The following GAB4 variants were observed in gnomAD, a reference collection of about 807,000 sequenced individuals.
GAB4 encodes the protein GRB2-associated-binding protein 4.
In GAB4, 26 loss-of-function variants were observed where a neutral mutation model predicts 51.3. That is an observed-to-expected ratio of 0.51 (90% CI 0.37 to 0.70). The LOEUF (loss-of-function observed/expected upper bound fraction) is 0.70. Among genes scored for constraint, GAB4 ranks in the 30% least tolerant of loss-of-function variants. The probability of loss-of-function intolerance (pLI) is 0.00; values close to 1 mark genes in which losing one functional copy is unlikely to be tolerated. For synonymous variants in GAB4, 329 were observed against 291.2 expected (o/e 1.13, Z -1.32); for missense variants, 759 against 734.6 (o/e 1.03, Z -0.38).
chr22:17,000,255 A>G (rs577167349), intron 1 of GAB4, among the ~76,000 whole-genome samples: 3 of 152,288 alleles, frequency 2.0e-5, no homozygotes, highest in South Asian at 4.1e-4. Flanking sequence ...AAAGTCTCCA[A>G]TTATTATTGT....
intron 1 of GAB4, among the ~76,000 whole-genome samples, chr22:17,001,440 G>A (rs1290211998): frequency 6.6e-6 from 1 of 152,114 alleles, no homozygotes; most frequent in Non-Finnish European, 1.5e-5. Context: ...GGCTACTGAA[G>A]CTTGTGCATG....
chr22:17,008,049 C>T lies in GAB4; in HGVS notation c.66G>A (p.Leu22=). The T allele has an allele frequency of 6.2e-7, 1 of 1,608,826 alleles. No individual in the cohort carries two copies. Among genetic ancestry groups the T allele is most frequent in the African/African-American group, 1.3e-5 (1 of 74,940 alleles). ...LCPPDPAFAP[L]SSWPGSGPAG... is the part of the protein sequence containing the mutation. ...CGGGGCCACTTCCGGGCCACGAAGA[C>T]AAAGGCGCAAATGCCGGGTCAGGTG... Residue 22 remains leucine (L), a synonymous_variant, in exon 1 of 10, where the codon TTG becomes TTA. Coordinates refer to ENST00000400588, the MANE Select transcript of GAB4 (RefSeq NM_001037814.1).
At chr22:16,969,649 T>C (rs1488609654) in intron 4 of GAB4, 8 of 640,962 alleles carry the variant, frequency 1.2e-5, no homozygotes, top group Admixed American at 7.7e-5. Flanking sequence ...GCAGGAAGGG[T>C]ATTCCGCCTG....
intron 3 of GAB4, among the ~76,000 whole-genome samples, chr22:16,982,073 G>C (rs1414823358): frequency 6.6e-6 from 1 of 152,024 alleles, no homozygotes; most frequent in Non-Finnish European, 1.5e-5. Flanking sequence ...AAACAATAAA[G>C]GCTTTACATG....
At position 16,966,234 on chromosome 22, in the gene GAB4, G is replaced by C. The variant is rs1321692174; in HGVS notation, c.1154C>G (p.Pro385Arg). ...AGDDSQGVCI[P>R]VGSCLVRFDL... is the part of the protein sequence containing the mutation. ...AAAGCGAACAAGACATGAGCCCACA[G>C]GGATGCAGACACCCTGGGAATCATC... Residue 385 changes from proline (P) to arginine (R), a missense_variant, in exon 6 of 10, where the codon CCT becomes CGT. Physicochemically the swap from Pro to Arg is moderately radical, Grantham distance 103 (BLOSUM62 -2). This residue lies in a region of GAB4 where 588 missense variants were observed against 510.2 expected (regional missense o/e 1.15). Transcript: ENST00000400588. 3.1e-6 allele frequency: 5 copies of C among 1,613,994 alleles called. No homozygotes were observed. Among genetic ancestry groups the C allele is most frequent in the East Asian group, 2.2e-5 (1 of 44,876 alleles).
At chr22:17,003,884 G>C (rs2061018020) in intron 1 of GAB4, among the ~76,000 whole-genome samples, 1 of 152,052 alleles carries the variant, frequency 6.6e-6, no homozygotes, top group Admixed American at 6.6e-5. Flanking sequence ...GTAAGTTTAG[G>C]AGCTGTTTTT....
At chr22:16,972,212 G>A (rs1469060629) in intron 3 of GAB4, among the ~76,000 whole-genome samples, 2 of 152,214 alleles carry the variant, frequency 1.3e-5, no homozygotes, top group Admixed American at 6.5e-5. Context: ...TGGAGGAGGT[G>A]TCACGAACAC....
intron 3 of GAB4, among the ~76,000 whole-genome samples, chr22:16,987,549 T>C (rs1213500281): frequency 6.6e-6 from 1 of 152,254 alleles, no homozygotes; most frequent in African/African-American, 2.4e-5. Context: ...CTGCAGCTAC[T>C]GTGGAGCAGC....
chr22:16,965,046 A>C, intron 7 of GAB4, 132 bp downstream of exon 7: 1 of 747,416 alleles, frequency 1.3e-6, no homozygotes, highest in Non-Finnish European at 2.2e-6. Flanking sequence ...ACGCCTCATG[A>C]GACGGAGACA....
intron 6 of GAB4, 79 bp from the exon 7 acceptor site, chr22:16,965,347 G>T: frequency 1.8e-6 from 2 of 1,095,728 alleles, no homozygotes; most frequent in Non-Finnish European, 2.8e-6. Context: ...GCCCAGGTGT[G>T]CTTAGAAAGG....
chr22:16,987,003 G>A (rs536830921), intron 3 of GAB4, among the ~76,000 whole-genome samples: 1 of 152,332 alleles, frequency 6.6e-6, no homozygotes, highest in Admixed American at 6.5e-5. Context: ...TGATAGCTGT[G>A]AGCCTCAGGT....
intron 1 of GAB4, among the ~76,000 whole-genome samples, chr22:16,998,078 G>A (rs1368751412): frequency 2.6e-5 from 4 of 152,178 alleles, no homozygotes; most frequent in Non-Finnish European, 4.4e-5. Context: ...GTCAGGTAGC[G>A]TGATGCCTCC....
At chr22:16,975,229 C>T (rs1462893994) in intron 3 of GAB4, among the ~76,000 whole-genome samples, 1 of 152,184 alleles carries the variant, frequency 6.6e-6, no homozygotes, top group Non-Finnish European at 1.5e-5. Context: ...GGATCCCACC[C>T]CCATGGAGAC....
intron 5 of GAB4, 120 bp downstream of exon 5, chr22:16,968,178 C>A: frequency 1.4e-6 from 1 of 727,612 alleles, no homozygotes; most frequent in Middle Eastern, 2.4e-4. Flanking sequence ...AGGCAAGAAC[C>A]TAGGCAGCCT....
intron 3 of GAB4, among the ~76,000 whole-genome samples, chr22:16,975,879 T>G (rs970348528): frequency 6.6e-6 from 1 of 152,078 alleles, no homozygotes; most frequent in African/African-American, 2.4e-5. Flanking sequence ...TATCTGCCGG[T>G]GATACAGAGT....
intron 1 of GAB4, among the ~76,000 whole-genome samples, chr22:16,995,403 G>A (rs1287765796): frequency 6.6e-6 from 1 of 152,170 alleles, no homozygotes; most frequent in Non-Finnish European, 1.5e-5. Flanking sequence ...ACACTTAAAC[G>A]TTCTGCCTGT....
intron 3 of GAB4, among the ~76,000 whole-genome samples, chr22:16,980,409 C>T (rs1372839178): frequency 6.6e-6 from 1 of 152,178 alleles, no homozygotes; most frequent in Non-Finnish European, 1.5e-5. Flanking sequence ...TGAAAAAAAG[C>T]TCATCATCAC....
chr22:17,003,963 T>C (rs113211876), intron 1 of GAB4, among the ~76,000 whole-genome samples: 2 of 151,970 alleles, frequency 1.3e-5, no homozygotes, highest in African/African-American at 4.8e-5. Flanking sequence ...AAGAATCAAA[T>C]AGACACAACA....
rs1322555468 is a variant in GAB4, at chr22:16,962,472, G to A, written c.*261C>T. 2.9e-6 allele frequency: 1 copy of A among 340,108 alleles called. No individual in the cohort carries two copies. Among genetic ancestry groups the A allele is most frequent in the African/African-American group, 2.1e-5 (1 of 47,692 alleles). 21.1% of individuals were successfully genotyped at this position (340,108 alleles called of 1,614,324 possible). ...GAGGACCATGAGTAAGTGTGAGAGTGGAAATCTGTTGGGAGCCCGGGTCTG... is the reference window on the plus strand; with the variant it reads ...GAGGACCATGAGTAAGTGTGAGAGTAGAAATCTGTTGGGAGCCCGGGTCTG... On this transcript the variant is annotated 3_prime_UTR_variant, in exon 10 of 10. Coordinates refer to ENST00000400588, the MANE Select transcript of GAB4 (RefSeq NM_001037814.1).
Sources: allele counts gnomAD v4.1 joint callset (sites outside exome capture counted in the v4.1 genomes callset), GRCh38; gene constraint gnomAD v4.1.1; regional missense constraint gnomAD v4.1.1; transcripts MANE v1.5; gene names NCBI Gene and HGNC (gene_info 2026-07-23, HGNC 2026-07-21).